Variants in AXDND1 observed in about 807,000 individuals in gnomAD.
AXDND1 encodes axonemal dynein light chain domain containing 1.
Under a neutral mutation model 137.5 loss-of-function variants are expected in AXDND1, and 110 were observed. That is an observed-to-expected ratio of 0.80 (90% CI 0.69 to 0.94). The LOEUF (loss-of-function observed/expected upper bound fraction) is 0.94. Ranked by LOEUF, AXDND1 falls within the 40% of genes least tolerant of loss-of-function variation. The pLI, the probability that AXDND1 is intolerant of heterozygous loss-of-function variation, is 0.00. For synonymous variants in AXDND1, 414 were observed against 399.7 expected, an observed-to-expected ratio of 1.04 and a Z score of -0.43; for missense variants, 1,191 against 1,169.8, an observed-to-expected ratio of 1.02 and a Z score of -0.26.
intron 12 of AXDND1, among the ~76,000 whole-genome samples, chr1:179,426,205 A>G (rs1656550099): frequency 6.6e-6 from 1 of 152,198 alleles, no homozygotes; most frequent in South Asian, 2.1e-4. Flanking sequence ...CACTAGAAAT[A>G]AAAGCAAATA....
chr1:179,419,287 A>G (rs1655269615), intron 12 of AXDND1, among the ~76,000 whole-genome samples: 1 of 151,936 alleles, frequency 6.6e-6, no homozygotes, highest in African/African-American at 2.4e-5. Context: ...GGTTGTAGCG[A>G]GCCAAGATCA....
chr1:179,490,730 T>C (rs1666776781), intron 18 of AXDND1, among the ~76,000 whole-genome samples: 1 of 151,562 alleles, frequency 6.6e-6, no homozygotes, highest in African/African-American at 2.4e-5. Flanking sequence ...CACCTTCATT[T>C]CCTGTTCCAT....
At chr1:179,430,415 A>G (rs1486759880) in intron 13 of AXDND1, 37 bp from the exon 14 acceptor site, 4 of 1,478,734 alleles carry the variant, frequency 2.7e-6, no homozygotes, top group Non-Finnish European at 3.7e-6. Context: ...TATATACATA[A>G]ATGAATATAT....
chr1:179,369,059 A>G, intron 3 of AXDND1, 87 bp downstream of exon 3: 1 of 1,284,226 alleles, frequency 7.8e-7, no homozygotes, highest in African/African-American at 1.5e-5. Context: ...CACATATTAT[A>G]TATTCCAGAT....
At chr1:179,397,494 A>G (rs1453082108) in intron 11 of AXDND1, among the ~76,000 whole-genome samples, 2 of 152,118 alleles carry the variant, frequency 1.3e-5, no homozygotes, top group Admixed American at 6.6e-5. Context: ...GTATTGTACT[A>G]GGGTTTTCTG....
chr1:179,488,236 T>C (rs1381592848), intron 18 of AXDND1, among the ~76,000 whole-genome samples: 1 of 148,286 alleles, frequency 6.7e-6, no homozygotes, highest in East Asian at 1.9e-4. Flanking sequence ...ATTTTATATA[T>C]ATGTAGATTT....
rs1558124800 is a variant in AXDND1 at position 179,400,923 on chromosome 1, A to AAAAAG, written c.1109+5726_1109+5730dup. Among the ~76,000 whole-genome samples, 30 of 133,732 alleles carry AAAAAG rather than the reference A, an allele frequency of 2.2e-4. 1 individual carries two copies. The highest frequency in any genetic ancestry group is 4.0e-4 in the African/African-American group (14 of 34,930). 87.7% of individuals were successfully genotyped at this position (133,732 alleles called of 152,430 possible). ...CTGTCTCAAAAAAAAAAAAAAAAAA[A>AAAAAG]AAAAGAAAAAAAAAAGGACACAGAA... On this transcript the variant is annotated intron_variant, in intron 11 of 25. Transcript: ENST00000367618.
chr1:179,438,670 C>T (rs746657659), intron 15 of AXDND1, among the ~76,000 whole-genome samples: 1 of 152,126 alleles, frequency 6.6e-6, no homozygotes, highest in Non-Finnish European at 1.5e-5. Flanking sequence ...CCCAGGGATG[C>T]GACCTAAAAA....
chr1:179,445,304 A>G (rs181665035), intron 16 of AXDND1, 100 bp downstream of exon 16: 166 of 941,248 alleles, frequency 1.8e-4, no homozygotes, highest in Non-Finnish European at 2.4e-4. Context: ...TAATAAATCC[A>G]TATAGTTTTA....
Position 179,406,334 on chromosome 1 carries a change from A to G in AXDND1, c.1110-4812A>G, listed in dbSNP as rs79440530. 1.9e-3 allele frequency among the ~76,000 whole-genome samples: 282 copies of G among 152,294 alleles called. 9 individuals are homozygous for G. The East Asian group carries it at 0.053, about 28-fold the overall frequency. ...GATGAGAAGAATGTGTATTCTGCAGATGTTGGATAAAATGTTTTGTAAATT... is the reference window on the plus strand; with the variant it reads ...GATGAGAAGAATGTGTATTCTGCAGGTGTTGGATAAAATGTTTTGTAAATT... On this transcript the variant is annotated intron_variant, in intron 11 of 25. Coordinates refer to ENST00000367618, the MANE Select transcript of AXDND1 (RefSeq NM_144696.6).
At chr1:179,381,294 G>GGC (rs1648257896) in intron 6 of AXDND1, among the ~76,000 whole-genome samples, 1 of 150,634 alleles carries the variant, frequency 6.6e-6, no homozygotes, top group Admixed American at 6.6e-5. Flanking sequence ...TGCCCGCTTT[G>GGC]GCCTCTCAAA....
chr1:179,504,446 A>G (rs918715651), intron 20 of AXDND1, among the ~76,000 whole-genome samples: 2 of 152,096 alleles, frequency 1.3e-5, no homozygotes, highest in Non-Finnish European at 2.9e-5. Context: ...AAAAGTGGGT[A>G]GAGCTCTGTG....
intron 4 of AXDND1, among the ~76,000 whole-genome samples, chr1:179,373,996 G>A (rs1190481337): frequency 6.6e-6 from 1 of 152,136 alleles, no homozygotes; most frequent in Non-Finnish European, 1.5e-5. Flanking sequence ...TTAAACTAAA[G>A]AGCTTCTGCA....
chr1:179,425,378 A>G (rs1038627246), intron 12 of AXDND1, among the ~76,000 whole-genome samples: 5 of 152,226 alleles, frequency 3.3e-5, no homozygotes, highest in African/African-American at 1.2e-4. Flanking sequence ...TGAACCTTGC[A>G]CAGCATGGTG....
intron 17 of AXDND1, among the ~76,000 whole-genome samples, chr1:179,471,563 G>A (rs555438004): frequency 6.6e-4 from 101 of 152,090 alleles, no homozygotes; most frequent in African/African-American, 2.2e-3. Flanking sequence ...CCCTTCTCTC[G>A]TTTCCAATTC....
chr1:179,465,056 T>C lies in AXDND1; in HGVS notation c.1799-3387T>C, dbSNP rs528748124. Among the ~76,000 whole-genome samples, 36 of 152,318 alleles carry C rather than the reference T, an allele frequency of 2.4e-4. 1 individual carries two copies. Among genetic ancestry groups the C allele is most frequent in the Admixed American group, 2.2e-3 (33 of 15,306 alleles). The stretch of plus-strand genomic sequence containing the variant: ...GGTTTTTAGCTTCTTTGCAATGGGT[T>C]TGAACATCCTCCTTTAGCTCAGAGA... On this transcript the variant is annotated intron_variant, in intron 16 of 25. Coordinates refer to ENST00000367618, the MANE Select transcript of AXDND1 (RefSeq NM_144696.6).
At chr1:179,484,626 C>T (rs1285394054) in intron 18 of AXDND1, among the ~76,000 whole-genome samples, 1 of 152,184 alleles carries the variant, frequency 6.6e-6, no homozygotes, top group Admixed American at 6.5e-5. Flanking sequence ...CGCCCATGTA[C>T]TCTACCCATC....
intron 18 of AXDND1, among the ~76,000 whole-genome samples, chr1:179,488,553 A>C (rs1173133031): frequency 6.8e-6 from 1 of 147,254 alleles, no homozygotes; most frequent in African/African-American, 2.6e-5. Context: ...GGCATGAGCC[A>C]CCATACCTGG....
At chr1:179,425,298 G>A (rs1194708128) in intron 12 of AXDND1, among the ~76,000 whole-genome samples, 1 of 152,194 alleles carries the variant, frequency 6.6e-6, no homozygotes, top group Non-Finnish European at 1.5e-5. Flanking sequence ...ATGTAGGGGA[G>A]TTTCCAAAGG....
Sources: gnomAD v4.1 joint callset for allele counts (sites outside exome capture counted in the v4.1 genomes callset) on GRCh38, gnomAD v4.1.1 for gene constraint, MANE v1.5 for transcripts, NCBI Gene and HGNC (gene_info 2026-07-23, HGNC 2026-07-21) for gene names.